The following ALDH7A1 variants were observed in gnomAD, a reference collection of about 807,000 sequenced individuals.
ALDH7A1 encodes alpha-aminoadipic semialdehyde dehydrogenase.
ALDH7A1 carries 63 observed loss-of-function variants against 79.9 expected under a neutral mutation model. The observed-to-expected ratio is 0.79, with a 90% confidence interval of 0.64 to 0.97. The LOEUF (loss-of-function observed/expected upper bound fraction) is 0.97, where lower values mean the gene tolerates loss of function less well. Ranked by LOEUF, ALDH7A1 falls within the 50% of genes least tolerant of loss-of-function variation. The pLI is 0.00. For missense variants in ALDH7A1, 627 were observed against 665.2 expected (o/e 0.94, Z 0.63); for synonymous variants, 240 against 231.2 (o/e 1.04, Z -0.34).
chr5:126,550,170 A>C (rs529582236), intron 15 of ALDH7A1, 26 bp downstream of exon 15: 1 of 1,604,292 alleles, frequency 6.2e-7, no homozygotes, highest in South Asian at 1.1e-5. Context: ...GACTTATATA[A>C]ATTTTCAAAA....
rs765119568 is a variant in ALDH7A1 at position 126,577,186 on chromosome 5, CTGCTCAATCAG to C, written c.532_542del (p.Leu178ValfsTer46). 1.2e-6 allele frequency: 2 copies of C among 1,614,042 alleles called. No homozygotes were observed. The highest frequency in any genetic ancestry group is 2.7e-5 in the African/African-American group (2 of 74,912). On this transcript the variant is annotated frameshift_variant, in exon 6 of 18. Coordinates refer to ENST00000409134, the MANE Select transcript of ALDH7A1 (RefSeq NM_001182.5). LOFTEE classifies it high-confidence loss of function. ...TTCCAACCAGGCCTACGGGATTCCA[CTGCTCAATCAG>C]TGCATGGCCAGATCCTGAGGACAGA...
At chr5:126,550,378 AC>A in intron 14 of ALDH7A1, 85 bp from the exon 15 acceptor site, 2 of 1,039,144 alleles carry the variant, frequency 1.9e-6, no homozygotes, top group South Asian at 1.3e-5. Context: ...CCTGAAGTGT[AC>A]CAGTATAATT....
intron 7 of ALDH7A1, among the ~76,000 whole-genome samples, chr5:126,572,400 TC>T: frequency 6.6e-6 from 1 of 152,328 alleles, no homozygotes; most frequent in East Asian, 1.9e-4. Flanking sequence ...GACTGTACTC[TC>T]TTTAAGGGCA....
intron 13 of ALDH7A1, among the ~76,000 whole-genome samples, chr5:126,553,937 T>C (rs1194828158): frequency 6.6e-6 from 1 of 151,538 alleles, no homozygotes; most frequent in African/African-American, 2.4e-5. Context: ...GGAAACCCCA[T>C]CTCTACCAAA....
intron 16 of ALDH7A1, among the ~76,000 whole-genome samples, chr5:126,546,869 C>T (rs1280323777): frequency 1.3e-5 from 2 of 152,080 alleles, no homozygotes; most frequent in African/African-American, 2.4e-5. Context: ...GAAAATATAA[C>T]AATTTTGAAA....
chr5:126,581,391 T>C (rs1297570460), intron 5 of ALDH7A1: 1 of 151,734 alleles, frequency 6.6e-6, no homozygotes, highest in East Asian at 1.9e-4. Flanking sequence ...ATCCTAACAC[T>C]TTGGGAGGTT....
intron 15 of ALDH7A1, 85 bp downstream of exon 15, chr5:126,550,111 T>A (rs1038380): frequency 3.5e-5 from 54 of 1,537,530 alleles, no homozygotes; most frequent in Non-Finnish European, 4.5e-5. Flanking sequence ...ACTGAAAAAC[T>A]GATTTTAGAC....
intron 9 of ALDH7A1, chr5:126,561,784 A>T (rs1750412861): frequency 6.6e-6 from 1 of 152,186 alleles, no homozygotes. Context: ...GCCCCAAAAA[A>T]TTAAATAACA....
chr5:126,547,018 T>C (rs1749807983), intron 16 of ALDH7A1, among the ~76,000 whole-genome samples: 1 of 152,162 alleles, frequency 6.6e-6, no homozygotes, highest in South Asian at 2.1e-4. Context: ...AAAAGAGACA[T>C]AACTGACTTC....
At position 126,568,247 on chromosome 5, in the gene ALDH7A1, G is replaced by T; in HGVS notation, c.871+12C>A. The T allele has an allele frequency of 6.2e-7, 1 of 1,613,390 alleles. No individual in the cohort carries two copies. The highest frequency in any genetic ancestry group is 8.5e-7 in the Non-Finnish European group (1 of 1,179,352). On this transcript the variant is annotated intron_variant, in intron 9 of 17. Coordinates refer to ENST00000409134, the MANE Select transcript of ALDH7A1 (RefSeq NM_001182.5). ...AGAGAATTAAAATCCTCATTAGAAA[G>T]CCAACACTTACCAAACCTCTCCTGC... is the stretch of plus-strand genomic sequence containing the variant.
chr5:126,573,189 G>GAC (rs1561661614), intron 7 of ALDH7A1, among the ~76,000 whole-genome samples: 1 of 145,806 alleles, frequency 6.9e-6, no homozygotes, highest in African/African-American at 2.5e-5. Flanking sequence ...CAGCTACTTC[G>GAC]TAACAATTAA....
At chr5:126,557,809 G>A (rs917172752) in intron 11 of ALDH7A1, among the ~76,000 whole-genome samples, 5 of 152,010 alleles carry the variant, frequency 3.3e-5, no homozygotes, top group African/African-American at 1.2e-4. Context: ...AAAGGCTCAA[G>A]TCCAACAGAG....
intron 10 of ALDH7A1, among the ~76,000 whole-genome samples, chr5:126,559,887 G>A (rs1167856564): frequency 1.3e-5 from 2 of 151,746 alleles, no homozygotes; most frequent in African/African-American, 4.8e-5. Flanking sequence ...ATATACAAGG[G>A]TAAATTGAGG....
intron 11 of ALDH7A1, among the ~76,000 whole-genome samples, chr5:126,558,166 C>CAAAAAAAAAAAAAAAAAAAAAAAAAAAA (rs35559498): frequency 2.7e-5 from 2 of 75,426 alleles, no homozygotes; most frequent in Non-Finnish European, 4.6e-5. Context: ...GACTCCAACT[C>CAAAAAAAAAAAAAAAAAAAAAAAAAAAA]AAAAAAAAAA....
chr5:126,570,893 T>C (rs1750747289), intron 7 of ALDH7A1, 34 bp from the exon 8 acceptor site: 1 of 1,600,284 alleles, frequency 6.2e-7, no homozygotes, highest in Non-Finnish European at 8.6e-7. Flanking sequence ...GAGGCAATAA[T>C]TTAAGGCATT....
intron 3 of ALDH7A1, chr5:126,588,510 C>G (rs1751429929): frequency 6.6e-6 from 1 of 151,968 alleles, no homozygotes; most frequent in Non-Finnish European, 1.5e-5. Flanking sequence ...AGACAAGACC[C>G]TGAATTCACA....
chr5:126,576,760 T>C (rs1750984956), intron 6 of ALDH7A1, among the ~76,000 whole-genome samples: 1 of 151,980 alleles, frequency 6.6e-6, no homozygotes, highest in Admixed American at 6.6e-5. Context: ...ACCCCATCTC[T>C]ACTAAAAATA....
At position 126,576,881 on chromosome 5, in the gene ALDH7A1, C is replaced by T. The variant is rs571299453; in HGVS notation, c.650+198G>A. On this transcript the variant is annotated intron_variant, in intron 6 of 17. Transcript: ENST00000409134. ...GGCGGAGGTTGCAGTGAGCTGAGTT[C>T]GCACCATTACACTCCAGCCAGGGCA... Among the ~76,000 whole-genome samples the T allele has an allele frequency of 4.0e-3, 612 of 152,122 alleles. 3 individuals carry two copies. Among genetic ancestry groups the T allele is most frequent in the African/African-American group, 0.013 (556 of 41,470 alleles).
In ALDH7A1 at chr5:126,595,199, A is replaced by T; in HGVS notation, c.-1T>A. The T allele has an allele frequency of 6.4e-7, 1 of 1,551,814 alleles. No homozygotes were observed. ...ACAGCGCGCGAGGAAGGCGCCACAT[A>T]CTGAGCCCGGGACTCGGGATGAGCC... On this transcript the variant is annotated 5_prime_UTR_variant, in exon 1 of 18. Coordinates refer to ENST00000409134, the MANE Select transcript of ALDH7A1 (RefSeq NM_001182.5).
Sources: allele counts gnomAD v4.1 joint callset (sites outside exome capture counted in the v4.1 genomes callset), GRCh38; gene constraint gnomAD v4.1.1; transcripts MANE v1.5; gene names NCBI Gene and HGNC (gene_info 2026-07-23, HGNC 2026-07-21).